Variants in VGLL3 observed in about 807,000 individuals in gnomAD.
The protein encoded by VGLL3 is vestigial like family member 3, also known as transcription cofactor vestigial-like protein 3.
In VGLL3, 18 loss-of-function variants were observed where a neutral mutation model predicts 29.2. That is an observed-to-expected ratio of 0.62 (90% CI 0.43 to 0.91). VGLL3 has a LOEUF of 0.91. Among genes scored for constraint, VGLL3 ranks in the 40% least tolerant of loss-of-function variants. The pLI is 0.00. For synonymous variants in VGLL3, 180 were observed against 151.8 expected (o/e 1.19, Z -1.36); for missense variants, 440 against 413.2 (o/e 1.06, Z -0.56).
At chr3:86,958,526 A>G (rs1704774012) in intron 3 of VGLL3, among the ~76,000 whole-genome samples, 1 of 152,140 alleles carries the variant, frequency 6.6e-6, no homozygotes, top group African/African-American at 2.4e-5. Flanking sequence ...AAATCCCCAT[A>G]CTTTAGGCAT....
At position 86,943,371 on chromosome 3, in the gene VGLL3, A is replaced by G. The variant is rs1367969929; in HGVS notation, c.*3653T>C. ...CACTTTAAATTATAAATACAACATT[A>G]AACCAGATAGCAAACTCAAAAGCTA... On this transcript the variant is annotated 3_prime_UTR_variant, in exon 4 of 4. Transcript: ENST00000398399. 13 of 152,208 alleles carry G rather than the reference A, an allele frequency of 8.5e-5. No individual in the cohort carries two copies. The allele number at this position is 152,208 out of a possible 1,614,324, so 9.4% of individuals were successfully genotyped here. A position where few individuals can be genotyped will look rare whatever the true frequency, so the allele number is the denominator to read the frequency against.
rs1704508093 is a variant in VGLL3, at chr3:86,946,415, A to G, written c.*609T>C. 6.6e-6 allele frequency: 1 copy of G among 152,210 alleles called. No homozygotes were observed. The highest frequency in any genetic ancestry group is 1.5e-5 in the Non-Finnish European group (1 of 68,028). The allele number at this position is 152,210 out of a possible 1,614,324, so 9.4% of individuals were successfully genotyped here. On this transcript the variant is annotated 3_prime_UTR_variant, in exon 4 of 4. Transcript: ENST00000398399. Reference sequence around the variant, plus strand: ...CTACGGTATAGCTACTTTTGTAAGAAGGAAAAAAACAAAACATTTGAGGTA... The same window carrying G: ...CTACGGTATAGCTACTTTTGTAAGAGGGAAAAAAACAAAACATTTGAGGTA...
In VGLL3 at chr3:86,980,795, ACT is replaced by A. The variant is rs372714780; in HGVS notation, c.127-1995_127-1994del. ...TGTATTGTTTTAACCATATGCACAC[ACT>A]CTCTGCTGAATATTCGGGCACATTA... On this transcript the variant is annotated intron_variant, in intron 1 of 3. Coordinates refer to ENST00000398399, the MANE Select transcript of VGLL3 (RefSeq NM_016206.4). Among the ~76,000 whole-genome samples, 570 of 151,904 alleles carry A rather than the reference ACT, an allele frequency of 3.8e-3. 1 individual carries two copies. The highest frequency in any genetic ancestry group is 0.013 in the African/African-American group (542 of 41,464).
Position 86,970,483 on chromosome 3 carries a change from G to GCGCACA in VGLL3, c.404-1361_404-1360insTGTGCG, listed in dbSNP as rs1553706434. On this transcript the variant is annotated intron_variant, in intron 2 of 3. Transcript: ENST00000398399. ...AGAAAAGGCCATATATTACACACAC[G>GCGCACA]CACACACACACACACACACACACAC... 7.8e-5 allele frequency among the ~76,000 whole-genome samples: 11 copies of GCGCACA among 141,296 alleles called. No homozygotes were observed. In the East Asian group the frequency reaches 1.1e-3, roughly 14 times the overall value. The allele number at this position is 141,296 out of a possible 152,430, so 92.7% of individuals were successfully genotyped here.
rs1704449758 is a variant in VGLL3, at chr3:86,943,880, G to A, written c.*3144C>T. The A allele has an allele frequency of 6.6e-6, 1 of 152,104 alleles. No individual in the cohort carries two copies. Among genetic ancestry groups the A allele is most frequent in the Admixed American group, 6.5e-5 (1 of 15,278 alleles). 9.4% of individuals were successfully genotyped at this position (152,104 alleles called of 1,614,324 possible). On this transcript the variant is annotated 3_prime_UTR_variant, in exon 4 of 4. Coordinates refer to ENST00000398399, the MANE Select transcript of VGLL3 (RefSeq NM_016206.4). ...ACAATTTTCTAGGGTCTACTTCACA[G>A]ATATTTAGAAAGCTTGAATAAAATC...
intron 2 of VGLL3, among the ~76,000 whole-genome samples, chr3:86,970,262 G>A (rs1446142085): frequency 6.6e-6 from 1 of 152,016 alleles, no homozygotes; most frequent in East Asian, 1.9e-4. Flanking sequence ...ATGACCAAAT[G>A]GACATCATTT....
chr3:86,989,362 C>T (rs781311697), intron 1 of VGLL3, among the ~76,000 whole-genome samples: 2 of 152,082 alleles, frequency 1.3e-5, no homozygotes, highest in Non-Finnish European at 2.9e-5. Flanking sequence ...CTCTTTTGCC[C>T]TAATTGGTTC....
In VGLL3 at chr3:86,939,684, G is replaced by A. The variant is rs1704353227; in HGVS notation, c.*7340C>T. On this transcript the variant is annotated 3_prime_UTR_variant, in exon 4 of 4. Transcript: ENST00000398399. ...CAGAACAAAAACCTTGAGATGAAGAGATTATTCTGGATTACACAGATGCAG... is the reference window on the plus strand; with the variant it reads ...CAGAACAAAAACCTTGAGATGAAGAAATTATTCTGGATTACACAGATGCAG... The A allele has an allele frequency of 6.6e-6, 1 of 152,384 alleles. No individual in the cohort carries two copies. Among genetic ancestry groups the A allele is most frequent in the Non-Finnish European group, 1.5e-5 (1 of 68,252 alleles). The allele number at this position is 152,384 out of a possible 1,614,324, so 9.4% of individuals were successfully genotyped here.
At chr3:86,962,099 A>T in intron 3 of VGLL3, 1 of 985,414 alleles carries the variant, frequency 1.0e-6, no homozygotes, top group African/African-American at 1.7e-5. Context: ...CTCAGTTTAA[A>T]GACTGATAAA....
chr3:86,958,165 T>C (rs1704763046), intron 3 of VGLL3, among the ~76,000 whole-genome samples: 1 of 147,132 alleles, frequency 6.8e-6, no homozygotes, highest in South Asian at 2.1e-4. Context: ...TCAATTCCAT[T>C]TTTTTTTTGT....
intron 3 of VGLL3, among the ~76,000 whole-genome samples, chr3:86,948,056 G>A (rs1704541931): frequency 6.6e-6 from 1 of 151,866 alleles, no homozygotes. Flanking sequence ...ATTGTGAAAT[G>A]ATTACCTAAA....
chr3:86,951,679 G>A (rs1233688394), intron 3 of VGLL3, among the ~76,000 whole-genome samples: 2 of 152,138 alleles, frequency 1.3e-5, no homozygotes, highest in Non-Finnish European at 2.9e-5. Flanking sequence ...GTCTGAGCAT[G>A]AACAGCCTAG....
At chr3:86,990,590 C>G in intron 1 of VGLL3, 28 bp downstream of exon 1, 1 of 1,324,014 alleles carries the variant, frequency 7.6e-7, no homozygotes, top group Non-Finnish European at 9.7e-7. Context: ...GCCCCCGCCC[C>G]CAGCAGGCTG....
chr3:86,988,710 G>C (rs1299573054), intron 1 of VGLL3, among the ~76,000 whole-genome samples: 1 of 44,736 alleles, frequency 2.2e-5, no homozygotes, highest in African/African-American at 5.2e-5. Context: ...AGAAGAAAAA[G>C]AAGAAAAAGC....
chr3:86,974,125 T>A (rs1705160912), intron 2 of VGLL3, among the ~76,000 whole-genome samples: 1 of 152,010 alleles, frequency 6.6e-6, no homozygotes, highest in Admixed American at 6.6e-5. Context: ...TTTGTTATTT[T>A]TTTTTTTTTT....
intron 3 of VGLL3, among the ~76,000 whole-genome samples, chr3:86,958,749 C>G (rs1404340862): frequency 6.6e-6 from 1 of 152,204 alleles, no homozygotes; most frequent in East Asian, 1.9e-4. Context: ...GCTGGGATCT[C>G]CTGGCATTTT....
At chr3:86,961,890 C>G in intron 3 of VGLL3, 6 of 962,914 alleles carry the variant, frequency 6.2e-6, no homozygotes, top group Non-Finnish European at 7.4e-6. Flanking sequence ...CAGAGTGAAA[C>G]AATCTCCTGC....
At chr3:86,979,012 C>A (rs1705270521) in intron 1 of VGLL3, among the ~76,000 whole-genome samples, 1 of 152,164 alleles carries the variant, frequency 6.6e-6, no homozygotes. Context: ...CTCTGTGATT[C>A]TACATTTGGC....
Position 86,978,776 on chromosome 3 carries a change from C to T in VGLL3, c.153G>A (p.Met51Ile), listed in dbSNP as rs62257350. The change falls in exon 2 of 4, where the codon ATG (methionine) becomes ATA (isoleucine). Residue 51 changes from methionine (M) to isoleucine (I), a missense_variant. Physicochemically the swap from Met to Ile is conservative, Grantham distance 10 (BLOSUM62 1). Transcript: ENST00000398399. ...QQKKLAVFSK[M>I]QDSLEVTLPS... ...GAAGGGTGACTTCCAGAGAGTCCTG[C>T]ATCTTGCTGAATACCGCTAACTTCT... The T allele has an allele frequency of 9.7e-5, 156 of 1,611,736 alleles. 2 individuals are homozygous for T. In the South Asian group the frequency reaches 1.6e-3, roughly 17 times the overall value.
Sources: gnomAD v4.1 joint callset for allele counts (sites outside exome capture counted in the v4.1 genomes callset) on GRCh38, gnomAD v4.1.1 for gene constraint, MANE v1.5 for transcripts, NCBI Gene and HGNC (gene_info 2026-07-23, HGNC 2026-07-21) for gene names.